Variants in MAGT1 observed in about 807,000 individuals in gnomAD.
The protein encoded by MAGT1 is magnesium transporter 1.
In MAGT1, 4 loss-of-function variants were observed where a neutral mutation model predicts 28.4. The observed-to-expected ratio is 0.14, with a 90% confidence interval of 0.07 to 0.32. MAGT1 has a LOEUF of 0.32. MAGT1 is among the 10% of genes least tolerant of loss of function. The pLI is 1.00. For missense variants in MAGT1, 193 were observed against 264.5 expected, an observed-to-expected ratio of 0.73 and a Z score of 1.88; for synonymous variants, 89 against 89.7, an observed-to-expected ratio of 0.99 and a Z score of 0.04.
At chrX:77,876,084 G>A (rs923238542) in intron 1 of MAGT1, among the ~76,000 whole-genome samples, 10 of 96,723 alleles carry the variant, frequency 1.0e-4, no homozygotes, top group Non-Finnish European at 1.8e-4. Context: ...GCCCGCCTCA[G>A]CTACCGACAG....
At position 77,828,557 on chromosome X, in the gene MAGT1, A is replaced by G; in HGVS notation, c.*663T>C. On this transcript the variant is annotated 3_prime_UTR_variant, in exon 10 of 10. Coordinates refer to ENST00000618282, the MANE Select transcript of MAGT1 (RefSeq NM_001367916.1). ...ACTCCAGCCTGTGTGACACAGCGAGACCGTCTCAAAAAAACAACAAAACAA... is the reference window on the plus strand; with the variant it reads ...ACTCCAGCCTGTGTGACACAGCGAGGCCGTCTCAAAAAAACAACAAAACAA... 1 of 111,083 alleles carries G rather than the reference A, an allele frequency of 9.0e-6. No individual in the cohort carries two copies. Among genetic ancestry groups the G allele is most frequent in the South Asian group, 3.8e-4 (1 of 2,618 alleles). 9.2% of individuals were successfully genotyped at this position (111,083 alleles called of 1,213,427 possible).
chrX:77,863,867 C>T (rs1192803759), intron 3 of MAGT1, among the ~76,000 whole-genome samples: 2 of 110,321 alleles, frequency 1.8e-5, no homozygotes, highest in Non-Finnish European at 3.8e-5. Flanking sequence ...ACTAAAAATA[C>T]AAAAAAATTA....
At chrX:77,834,603 G>A (rs1259131131) in intron 8 of MAGT1, among the ~76,000 whole-genome samples, 3 of 110,168 alleles carry the variant, frequency 2.7e-5, no homozygotes, top group Non-Finnish European at 5.7e-5. Flanking sequence ...CAAAGCATTG[G>A]GATTACAGGT....
chrX:77,863,446 C>T (rs1165952959), intron 3 of MAGT1, among the ~76,000 whole-genome samples: 5 of 99,468 alleles, frequency 5.0e-5, no homozygotes, highest in East Asian at 3.2e-4. Flanking sequence ...ACCCGGGAGG[C>T]GGAGCTTGTA....
At chrX:77,878,289 C>CA (rs1205547369) in intron 1 of MAGT1, among the ~76,000 whole-genome samples, 2,092 of 14,516 alleles carry the variant, frequency 0.14, 68 homozygotes, top group Non-Finnish European at 0.18. Context: ...AACTCTGATG[C>CA]AAAAAAAAAA....
At chrX:77,832,051 T>C (rs2076900104) in intron 8 of MAGT1, among the ~76,000 whole-genome samples, 1 of 112,056 alleles carries the variant, frequency 8.9e-6, no homozygotes, top group African/African-American at 3.2e-5. Context: ...TCAATAAACA[T>C]GGATTTCTTA....
chrX:77,837,747 T>C (rs1557214042), intron 8 of MAGT1, among the ~76,000 whole-genome samples: 1 of 112,026 alleles, frequency 8.9e-6, no homozygotes, highest in Non-Finnish European at 1.9e-5. Context: ...CTTTTTTATT[T>C]ATTTATTTAT....
At chrX:77,865,351 G>A (rs782538786) in intron 3 of MAGT1, among the ~76,000 whole-genome samples, 22 of 110,392 alleles carry the variant, frequency 2.0e-4, no homozygotes, top group Non-Finnish European at 3.8e-4. Flanking sequence ...GTGCAGTGGC[G>A]CGATCTCAGA....
chrX:77,895,533 C>A (rs1557219878), upstream of MAGT1: 6 of 1,135,840 alleles, frequency 5.3e-6, no homozygotes, highest in East Asian at 6.6e-5. Flanking sequence ...TGCCGGGAGA[C>A]CCCTCACATT....
intron 8 of MAGT1, among the ~76,000 whole-genome samples, chrX:77,840,714 C>G (rs12007315): frequency 0.1 from 11,092 of 110,475 alleles, 661 homozygotes; most frequent in African/African-American, 0.22. Context: ...CATGGTGGCA[C>G]ATGCCTGTAG....
chrX:77,895,477 C>T, upstream of MAGT1: 1 of 1,182,451 alleles, frequency 8.5e-7, no homozygotes, highest in Non-Finnish European at 1.1e-6. Flanking sequence ...GGCGTGAGAA[C>T]AGGCAAATCG....
chrX:77,878,289 C>CAAAAAAAAAAAAA (rs1205547369), intron 1 of MAGT1, among the ~76,000 whole-genome samples: 3 of 15,066 alleles, frequency 2.0e-4, no homozygotes, highest in East Asian at 2.3e-3. Context: ...AACTCTGATG[C>CAAAAAAAAAAAAA]AAAAAAAAAA....
At chrX:77,846,395 G>A (rs931151574) in intron 7 of MAGT1, among the ~76,000 whole-genome samples, 9 of 111,574 alleles carry the variant, frequency 8.1e-5, no homozygotes, top group Admixed American at 1.9e-4. Context: ...CCTTTAGCTC[G>A]GAGAAGTTTG....
intron 7 of MAGT1, among the ~76,000 whole-genome samples, chrX:77,847,258 T>C (rs1557215077): frequency 8.9e-6 from 1 of 112,653 alleles, no homozygotes; most frequent in African/African-American, 3.2e-5. Context: ...TCTCCTGGTG[T>C]GCTGTTTGCT....
chrX:77,884,124 T>G (rs1311873393), intron 1 of MAGT1, among the ~76,000 whole-genome samples: 1 of 110,645 alleles, frequency 9.0e-6, no homozygotes, highest in Non-Finnish European at 1.9e-5. Flanking sequence ...ACCTGGGAGG[T>G]GGAGGTTGCA....
At chrX:77,895,164 CG>C in intron 1 of MAGT1, 144 bp downstream of exon 1, 1 of 601,557 alleles carries the variant, frequency 1.7e-6, no homozygotes, top group East Asian at 3.6e-5. Context: ...CCTTCTCTCA[CG>C]AATTCCACAA....
At chrX:77,868,638 A>G (rs1289927650) in intron 3 of MAGT1, 2 of 308,040 alleles carry the variant, frequency 6.5e-6, no homozygotes, top group African/African-American at 5.4e-5. Context: ...CTCCATCTCA[A>G]AAAACCTGAA....
At chrX:77,881,761 T>G (rs374812499) in intron 1 of MAGT1, among the ~76,000 whole-genome samples, 33 of 111,404 alleles carry the variant, frequency 3.0e-4, no homozygotes, top group Non-Finnish European at 5.6e-4. Context: ...ATGATTTATA[T>G]TCCTTTGGGT....
chrX:77,877,296 A>G (rs926399058), intron 1 of MAGT1, among the ~76,000 whole-genome samples: 2 of 109,298 alleles, frequency 1.8e-5, no homozygotes, highest in African/African-American at 6.6e-5. Context: ...GTTTGAGACC[A>G]GCCTGGCCAA....
Sources: gnomAD v4.1 joint callset for allele counts (sites outside exome capture counted in the v4.1 genomes callset) on GRCh38, gnomAD v4.1.1 for gene constraint, MANE v1.5 for transcripts, NCBI Gene and HGNC (gene_info 2026-07-23, HGNC 2026-07-21) for gene names.